SUMO2: variants seen among roughly 807,000 people sequenced by gnomAD.
SUMO2 encodes the protein small ubiquitin-related modifier 2.
Under a neutral mutation model 16.0 loss-of-function variants are expected in SUMO2, and 1 was observed. That is an observed-to-expected ratio of 0.06 (90% confidence interval 0.02 to 0.30). The LOEUF (loss-of-function observed/expected upper bound fraction) is 0.30, where lower values mean the gene tolerates loss of function less well. SUMO2 is among the 10% of genes least tolerant of loss of function. SUMO2 has a pLI of 1.00. For missense variants in SUMO2, 16 were observed against 117.5 expected, an observed-to-expected ratio of 0.14 and a Z score of 3.99; for synonymous variants, 36 against 40.6, an observed-to-expected ratio of 0.89 and a Z score of 0.43.
rs988593324 is a variant in SUMO2, at chr17:75,167,355, A to C, written c.*984T>G. The C allele has an allele frequency of 6.6e-6, 1 of 152,036 alleles. No individual in the cohort carries two copies. The highest frequency in any genetic ancestry group is 1.5e-5 in the Non-Finnish European group (1 of 68,024). The allele number at this position is 152,036 out of a possible 1,614,324, so 9.4% of individuals were successfully genotyped here. A position where few individuals can be genotyped will look rare whatever the true frequency, so the allele number is the denominator to read the frequency against. Reference sequence around the variant, plus strand: ...TTAGGTTAGGGAGTATTTACTTATGATAAGTGCAGGCTAGAATGGTTCAGT... The same window carrying C: ...TTAGGTTAGGGAGTATTTACTTATGCTAAGTGCAGGCTAGAATGGTTCAGT... On this transcript the variant is annotated 3_prime_UTR_variant, in exon 4 of 4. Coordinates refer to ENST00000420826, the MANE Select transcript of SUMO2 (RefSeq NM_006937.4).
intron 1 of SUMO2, among the ~76,000 whole-genome samples, chr17:75,181,596 A>G (rs901646462): frequency 1.3e-5 from 2 of 152,166 alleles, no homozygotes; most frequent in Non-Finnish European, 2.9e-5. Context: ...ACAAAACAAT[A>G]AATCTACAGC....
chr17:75,172,587 T>TTC (rs2074750131), intron 3 of SUMO2, among the ~76,000 whole-genome samples: 1 of 151,460 alleles, frequency 6.6e-6, no homozygotes, highest in Non-Finnish European at 1.5e-5. Context: ...GTTCAAGCGA[T>TTC]TCTCCTGCCT....
intron 2 of SUMO2, among the ~76,000 whole-genome samples, chr17:75,178,451 T>C (rs973430213): frequency 6.8e-6 from 1 of 146,562 alleles, no homozygotes; most frequent in Non-Finnish European, 1.5e-5. Context: ...GAGGCAGAGG[T>C]TGCAGTGAGC....
Position 75,167,724 on chromosome 17 carries a change from A to C in SUMO2, c.*615T>G, listed in dbSNP as rs2074703302. 1 of 152,812 alleles carries C rather than the reference A, an allele frequency of 6.5e-6. No homozygotes were observed. The highest frequency in any genetic ancestry group is 2.1e-4 in the South Asian group (1 of 4,830). 9.5% of individuals were successfully genotyped at this position (152,812 alleles called of 1,614,324 possible). ...ATTTAATATTTCTCAGAATAAAGAA[A>C]ACAGCTCATTTTAAACAAGAAGTTT... On this transcript the variant is annotated 3_prime_UTR_variant, in exon 4 of 4. Transcript: ENST00000420826.
At chr17:75,180,389 G>A (rs761725594) in intron 2 of SUMO2, among the ~76,000 whole-genome samples, 19 of 50,864 alleles carry the variant, frequency 3.7e-4, no homozygotes, top group Non-Finnish European at 6.6e-4. Flanking sequence ...GAGACTCCCA[G>A]CTTAAAAAAA....
At chr17:75,170,523 T>C (rs1012260661) in intron 3 of SUMO2, among the ~76,000 whole-genome samples, 15 of 151,930 alleles carry the variant, frequency 9.9e-5, no homozygotes, top group Non-Finnish European at 1.5e-4. Flanking sequence ...TGAGCTGTGA[T>C]TGCCCCACTG....
intron 3 of SUMO2, among the ~76,000 whole-genome samples, chr17:75,172,107 C>G (rs904137725): frequency 5.3e-5 from 8 of 151,568 alleles, no homozygotes; most frequent in African/African-American, 1.9e-4. Context: ...TGTCTGACAC[C>G]TTTCCCCCGC....
intron 2 of SUMO2, 130 bp downstream of exon 2, chr17:75,180,927 C>T: frequency 1.9e-6 from 2 of 1,043,398 alleles, no homozygotes; most frequent in Non-Finnish European, 1.4e-6. Context: ...CACGACAAAA[C>T]TGACGTGCCA....
chr17:75,176,444 C>G (rs2074783046), intron 2 of SUMO2, among the ~76,000 whole-genome samples: 1 of 151,950 alleles, frequency 6.6e-6, no homozygotes, highest in Admixed American at 6.6e-5. Context: ...GGTGAAACCC[C>G]GCCTCTACTG....
chr17:75,171,011 G>A (rs1000020841), intron 3 of SUMO2, among the ~76,000 whole-genome samples: 1 of 151,386 alleles, frequency 6.6e-6, no homozygotes, highest in African/African-American at 2.4e-5. Context: ...TTAAAACTAA[G>A]CAGCAGCCAA....
intron 2 of SUMO2, among the ~76,000 whole-genome samples, chr17:75,180,589 G>A (rs2074821824): frequency 6.6e-6 from 1 of 151,434 alleles, no homozygotes; most frequent in Admixed American, 6.6e-5. Flanking sequence ...CTGGTAGTGG[G>A]CACCTGTAAT....
At chr17:75,181,226 T>G in intron 1 of SUMO2, 38 bp from the exon 2 acceptor site, 1 of 1,606,520 alleles carries the variant, frequency 6.2e-7, no homozygotes, top group Non-Finnish European at 8.5e-7. Context: ...TTGGGAAATG[T>G]GATCAACGAA....
intron 3 of SUMO2, among the ~76,000 whole-genome samples, chr17:75,172,933 T>C (rs2074753236): frequency 6.6e-6 from 1 of 152,200 alleles, no homozygotes. Context: ...TAATTCCTTT[T>C]GAGAGACTGT....
intron 2 of SUMO2, among the ~76,000 whole-genome samples, chr17:75,175,218 G>A (rs904350675): frequency 3.3e-5 from 5 of 152,048 alleles, no homozygotes; most frequent in African/African-American, 9.7e-5. Context: ...CCTAACCTCA[G>A]GTGCTCCGTC....
At chr17:75,175,155 G>A (rs1372023436) in intron 2 of SUMO2, among the ~76,000 whole-genome samples, 2 of 151,470 alleles carry the variant, frequency 1.3e-5, no homozygotes, top group South Asian at 2.1e-4. Context: ...GCTAATTTTT[G>A]TAGTTTTAGT....
At chr17:75,171,027 T>G (rs1467745562) in intron 3 of SUMO2, among the ~76,000 whole-genome samples, 1 of 151,410 alleles carries the variant, frequency 6.6e-6, no homozygotes, top group Admixed American at 6.6e-5. Context: ...GCCAACTCGG[T>G]GCACTGACTA....
At position 75,166,306 on chromosome 17, in the gene SUMO2, T is replaced by TC. The variant is rs2145212430; in HGVS notation, c.*2032dup. On this transcript the variant is annotated 3_prime_UTR_variant, in exon 4 of 4. Transcript: ENST00000420826. The stretch of plus-strand genomic sequence containing the variant: ...GCCTGACCAACATAGAGAAACCCCT[T>TC]CTCTACTAAAAATACAGAATTAGCC... 1 of 152,074 alleles carries TC rather than the reference T, an allele frequency of 6.6e-6. No individual in the cohort carries two copies. The highest frequency in any genetic ancestry group is 1.9e-4 in the East Asian group (1 of 5,138). 9.4% of individuals were successfully genotyped at this position (152,074 alleles called of 1,614,324 possible).
intron 3 of SUMO2, among the ~76,000 whole-genome samples, chr17:75,170,803 T>A (rs2074731703): frequency 7.1e-6 from 1 of 141,610 alleles, no homozygotes; most frequent in Non-Finnish European, 1.5e-5. Context: ...TGAGCTGAGA[T>A]CACGCCACTG....
intron 1 of SUMO2, 170 bp downstream of exon 1, chr17:75,182,644 G>C: frequency 2.3e-6 from 1 of 428,824 alleles, no homozygotes. Context: ...GCGGGAGGGA[G>C]GAAGAGAGGG....
Sources: allele counts gnomAD v4.1 joint callset (sites outside exome capture counted in the v4.1 genomes callset), GRCh38; gene constraint gnomAD v4.1.1; transcripts MANE v1.5; gene names NCBI Gene and HGNC (gene_info 2026-07-23, HGNC 2026-07-21).